Variants in C1orf185 observed in about 807,000 individuals in gnomAD.
C1orf185 encodes the protein uncharacterized protein C1orf185.
A neutral mutation model predicts 16.1 loss-of-function variants in C1orf185; 13 were observed. The ratio of observed to expected loss-of-function variants is 0.81; its 90% CI spans 0.53 to 1.28. C1orf185 has a LOEUF of 1.28. Ranked by LOEUF, C1orf185 falls within the 50% of genes most tolerant of loss-of-function variation. C1orf185 has a pLI of 0.00. For missense variants in C1orf185, 220 were observed against 225.2 expected (o/e 0.98, Z 0.15); for synonymous variants, 80 against 76.9 (o/e 1.04, Z -0.21).
chr1:51,124,374 A>G (rs1646222535), intron 3 of C1orf185, among the ~76,000 whole-genome samples: 1 of 152,166 alleles, frequency 6.6e-6, no homozygotes, highest in Non-Finnish European at 1.5e-5. Flanking sequence ...GAGCCACTGT[A>G]CCTGGCCTCT....
intron 2 of C1orf185, among the ~76,000 whole-genome samples, chr1:51,116,833 T>C (rs1377086082): frequency 2.0e-5 from 3 of 152,128 alleles, no homozygotes; most frequent in East Asian, 1.9e-4. Flanking sequence ...ATATACTTAC[T>C]TTCACATGTC....
chr1:51,106,389 C>T (rs1425880352), intron 1 of C1orf185, among the ~76,000 whole-genome samples: 2 of 150,702 alleles, frequency 1.3e-5, no homozygotes, highest in East Asian at 3.9e-4. Flanking sequence ...TTTTTTTAAA[C>T]AAAATTGAGA....
chr1:51,149,169 C>T (rs541061557), downstream of C1orf185, among the ~76,000 whole-genome samples: 1 of 152,016 alleles, frequency 6.6e-6, no homozygotes, highest in East Asian at 1.9e-4. Flanking sequence ...AAACATTCTC[C>T]ATGAAATTAA....
intron 1 of C1orf185, among the ~76,000 whole-genome samples, chr1:51,109,080 ATT>A (rs1646094452): frequency 6.6e-6 from 1 of 152,118 alleles, no homozygotes; most frequent in Non-Finnish European, 1.5e-5. Context: ...CCTTGCCAGC[ATT>A]TGTTATTTTT....
At chr1:51,128,570 G>A (rs1225955962) in intron 3 of C1orf185, among the ~76,000 whole-genome samples, 2 of 152,044 alleles carry the variant, frequency 1.3e-5, no homozygotes, top group Non-Finnish European at 1.5e-5. Context: ...GTGCTTGCCT[G>A]TAATCCCAGC....
intron 2 of C1orf185, among the ~76,000 whole-genome samples, chr1:51,113,689 AATACATAC>A (rs547274694): frequency 1.3e-5 from 2 of 152,002 alleles, no homozygotes; most frequent in Admixed American, 6.6e-5. Context: ...CCATCTCAAA[AATACATAC>A]ATACATACAT....
chr1:51,126,686 C>T (rs1365437416), intron 3 of C1orf185, among the ~76,000 whole-genome samples: 1 of 152,196 alleles, frequency 6.6e-6, no homozygotes, highest in Non-Finnish European at 1.5e-5. Context: ...ATACCCTTCA[C>T]CCAGTTTTCC....
intron 2 of C1orf185, among the ~76,000 whole-genome samples, chr1:51,117,834 T>C (rs1332490938): frequency 6.6e-6 from 1 of 152,208 alleles, no homozygotes; most frequent in African/African-American, 2.4e-5. Flanking sequence ...TTTCTTTAAC[T>C]CTCTCTCACT....
chr1:51,123,301 TAA>T (rs1646211632), intron 3 of C1orf185, among the ~76,000 whole-genome samples: 1 of 152,246 alleles, frequency 6.6e-6, no homozygotes, highest in South Asian at 2.1e-4. Flanking sequence ...AAGTGTGGAT[TAA>T]GTTTCAACAT....
At chr1:51,129,863 T>C (rs1458139073) in intron 3 of C1orf185, 2 of 152,160 alleles carry the variant, frequency 1.3e-5, no homozygotes, top group Non-Finnish European at 2.9e-5. Context: ...TCCTCATGTC[T>C]TAATTACTTC....
intron 2 of C1orf185, among the ~76,000 whole-genome samples, chr1:51,118,209 C>T (rs780282368): frequency 6.6e-6 from 1 of 152,206 alleles, no homozygotes. Context: ...CGTAAGCCAC[C>T]GCACCAGCCC....
chr1:51,111,448 C>T (rs1422571250), intron 1 of C1orf185, among the ~76,000 whole-genome samples: 1 of 145,034 alleles, frequency 6.9e-6, no homozygotes, highest in East Asian at 2.0e-4. Context: ...TTTTAGTTCA[C>T]TGTAATCTCA....
downstream of C1orf185, among the ~76,000 whole-genome samples, chr1:51,151,958 G>A (rs1379750532): frequency 6.6e-6 from 1 of 152,140 alleles, no homozygotes; most frequent in African/African-American, 2.4e-5. Context: ...CAAAGTGCTA[G>A]GATTACAGGT....
chr1:51,130,759 C>A (rs1290383225), intron 3 of C1orf185, among the ~76,000 whole-genome samples: 14 of 152,148 alleles, frequency 9.2e-5, no homozygotes, highest in Admixed American at 9.2e-4. Context: ...CATACCAACA[C>A]CATGCTGTCT....
intron 1 of C1orf185, 22 bp downstream of exon 1, chr1:51,102,271 AGT>A (rs1281287968): frequency 4.2e-6 from 3 of 713,872 alleles, no homozygotes; most frequent in Non-Finnish European, 7.8e-6. Flanking sequence ...TGGGTCATGT[AGT>A]CTAGCTTTTT....
At chr1:51,116,049 A>G (rs1475704598) in intron 2 of C1orf185, among the ~76,000 whole-genome samples, 1 of 152,176 alleles carries the variant, frequency 6.6e-6, no homozygotes, top group Non-Finnish European at 1.5e-5. Context: ...GGTGATAAAA[A>G]TGAAAGACAT....
At chr1:51,144,908 C>A (rs1646389104) in intron 3 of C1orf185, among the ~76,000 whole-genome samples, 1 of 152,032 alleles carries the variant, frequency 6.6e-6, no homozygotes, top group Non-Finnish European at 1.5e-5. Flanking sequence ...TATTGTTTAT[C>A]TAGTGATCTA....
intron 2 of C1orf185, among the ~76,000 whole-genome samples, chr1:51,113,128 T>C (rs2148012370): frequency 6.6e-6 from 1 of 152,074 alleles, no homozygotes; most frequent in Non-Finnish European, 1.5e-5. Context: ...CTTTATTTTC[T>C]AGAAGACATA....
At chr1:51,109,241 C>A (rs1036950880) in intron 1 of C1orf185, among the ~76,000 whole-genome samples, 15 of 152,206 alleles carry the variant, frequency 9.9e-5, no homozygotes, top group African/African-American at 3.6e-4. Flanking sequence ...CTATTCAGAT[C>A]ATCTTCCCAT....
Sources: allele counts gnomAD v4.1 joint callset (sites outside exome capture counted in the v4.1 genomes callset), GRCh38; gene constraint gnomAD v4.1.1; transcripts MANE v1.5; gene names NCBI Gene and HGNC (gene_info 2026-07-23, HGNC 2026-07-21).